GSN: variants seen among roughly 807,000 people sequenced by gnomAD.
GSN encodes actin-depolymerizing factor.
A neutral mutation model predicts 85.7 loss-of-function variants in GSN; 56 were observed. That is an observed-to-expected ratio of 0.65 (90% CI 0.53 to 0.82). The LOEUF (loss-of-function observed/expected upper bound fraction) is 0.82. Ranked by LOEUF, GSN falls within the 40% of genes least tolerant of loss-of-function variation. GSN has a pLI of 0.00. For synonymous variants in GSN, 373 were observed against 399.1 expected, an observed-to-expected ratio of 0.93 and a Z score of 0.78; for missense variants, 857 against 979.8, an observed-to-expected ratio of 0.87 and a Z score of 1.67.
chr9:121,310,248 T>C (rs1282740801), intron 4 of GSN: 1 of 292,800 alleles, frequency 3.4e-6, no homozygotes. Flanking sequence ...AAGCATTCCC[T>C]ATGCTTATTT....
intron 10 of GSN, among the ~76,000 whole-genome samples, chr9:121,319,421 GGTGCTAGTGAGGGGTT>G: frequency 6.6e-6 from 1 of 152,260 alleles, no homozygotes; most frequent in South Asian, 2.1e-4. Context: ...CTAACCAGTG[GGTGCTAGTGAGGGGTT>G]TTTCTTTTTA....
chr9:121,250,202 C>CT (rs542805619), intron 6 of GSN, among the ~76,000 whole-genome samples: 2,646 of 127,518 alleles, frequency 0.021, 73 homozygotes, highest in African/African-American at 0.056. Context: ...AGATCCTTCT[C>CT]TTTTTTTTTT....
chr9:121,332,333 G>A lies in GSN; in HGVS notation c.2027-101G>A, dbSNP rs2064027783. 2.9e-5 allele frequency: 31 copies of A among 1,063,158 alleles called. No homozygotes were observed. Among genetic ancestry groups the A allele is most frequent in the South Asian group, 2.8e-4 (22 of 79,712 alleles). The allele number at this position is 1,063,158 out of a possible 1,614,324, so 65.9% of individuals were successfully genotyped here. A position where few individuals can be genotyped will look rare whatever the true frequency, so the allele number is the denominator to read the frequency against. ...GGGCAGTAGGGACAGTAGGACCATA[G>A]ACCCTCTTCTTTGTCAACTCCTGTC... On this transcript the variant is annotated intron_variant, in intron 17 of 17. Transcript: ENST00000432226. The surrounding 1 kb of genome is among the most constrained non-coding windows in gnomAD (Gnocchi z 4.8).
At chr9:121,330,387 A>G (rs2063752155) in intron 16 of GSN, among the ~76,000 whole-genome samples, 1 of 152,212 alleles carries the variant, frequency 6.6e-6, no homozygotes, top group South Asian at 2.1e-4. Context: ...AGCCTGGCCA[A>G]CATGGTGAAA....
chr9:121,326,115 G>T (rs1222766652), intron 12 of GSN, among the ~76,000 whole-genome samples: 6 of 149,626 alleles, frequency 4.0e-5, no homozygotes, highest in Non-Finnish European at 8.9e-5. Context: ...TCTGGATCTA[G>T]AATGCTCTGT....
chr9:121,286,892 G>A, intron 2 of GSN: 1 of 746,300 alleles, frequency 1.3e-6, no homozygotes. Flanking sequence ...TCTATAAAAG[G>A]AGACAATGCC....
chr9:121,254,793 A>G (rs16910455), intron 6 of GSN, among the ~76,000 whole-genome samples: 1,955 of 152,248 alleles, frequency 0.013, 37 homozygotes, highest in African/African-American at 0.045. Context: ...AAAAGCAACA[A>G]AAGGATATAC....
In GSN at chr9:121,302,670, G is replaced by C. The variant is rs116739159; in HGVS notation, c.197-241G>C. Among the ~76,000 whole-genome samples the C allele has an allele frequency of 8.1e-3, 1,232 of 152,234 alleles. 20 individuals are homozygous for C. The highest frequency in any genetic ancestry group is 0.028 in the African/African-American group (1,169 of 41,510). ...CTGATGCTCCCAGTCCTGAGTTTAC[G>C]CTCAGGAGGGCTGAGAATGAACATA... On this transcript the variant is annotated intron_variant, in intron 3 of 17. Coordinates refer to ENST00000432226, the MANE Select transcript of GSN (RefSeq NM_198252.3).
chr9:121,201,885 A>C, the GSN span: 1 of 152,482 alleles, frequency 6.6e-6, no homozygotes, highest in Non-Finnish European at 1.5e-5. Context: ...CGCTCCCTGC[A>C]CAGGGTTTCC....
At position 121,310,735 on chromosome 9, in the gene GSN, G is replaced by T. The variant is rs1456094623; in HGVS notation, c.403G>T (p.Val135Leu). Residue 135 changes from valine (V) to leucine (L), a missense_variant, in exon 5 of 18, where the codon GTG (valine) becomes TTG (leucine). Coordinates refer to ENST00000432226, the MANE Select transcript of GSN (RefSeq NM_198252.3). ...GCACGTGGTACCCAACGAGGTGGTG[G>T]TGCAGAGACTCTTCCAGGTCAAAGG... The part of the protein sequence containing the change: ...FKHVVPNEVV[V>L]QRLFQVKGRR... 6.2e-7 allele frequency: 1 copy of T among 1,614,164 alleles called. No individual in the cohort carries two copies. Among genetic ancestry groups the T allele is most frequent in the South Asian group, 1.1e-5 (1 of 91,080 alleles).
In GSN at chr9:121,318,182, A is replaced by T. The variant is rs1368211994; in HGVS notation, c.887-224A>T. On this transcript the variant is annotated intron_variant, in intron 8 of 17. Transcript: ENST00000432226. This position sits in a 1 kb window ranked among gnomAD's most constrained non-coding sequence, Gnocchi z 4.3. ...TAAGCACAAAATACATGCTCACTAA[A>T]TGGACCACAGTAGTGTTGTGATTGG... Among the ~76,000 whole-genome samples, 11 of 152,174 alleles carry T rather than the reference A, an allele frequency of 7.2e-5. No individual in the cohort carries two copies. The highest frequency in any genetic ancestry group is 7.2e-4 in the Admixed American group (11 of 15,280).
intron 7 of GSN, among the ~76,000 whole-genome samples, chr9:121,314,884 T>C (rs1184765435): frequency 6.6e-6 from 1 of 152,198 alleles, no homozygotes; most frequent in East Asian, 1.9e-4. Context: ...TATTTTGAGA[T>C]AGGGTCTTGC....
At chr9:121,257,028 G>A (rs2054977673) in intron 6 of GSN, among the ~76,000 whole-genome samples, 1 of 152,118 alleles carries the variant, frequency 6.6e-6, no homozygotes, top group African/African-American at 2.4e-5. Flanking sequence ...AAAGAGAAAT[G>A]TTTGAGGCAA....
intron 2 of GSN, chr9:121,286,883 C>T (rs916537176): frequency 1.3e-6 from 1 of 793,400 alleles, no homozygotes; most frequent in Admixed American, 2.1e-5. Flanking sequence ...GTTCCTCCGT[C>T]TATAAAAGGA....
chr9:121,323,709 G>T (rs1048493064), intron 11 of GSN, among the ~76,000 whole-genome samples: 2 of 152,072 alleles, frequency 1.3e-5, no homozygotes, highest in African/African-American at 4.8e-5. Flanking sequence ...TCTAACCCAG[G>T]ATCCCACATG....
intron 6 of GSN, among the ~76,000 whole-genome samples, chr9:121,254,165 C>T (rs752103296): frequency 9.2e-5 from 14 of 152,176 alleles, no homozygotes; most frequent in Admixed American, 2.6e-4. Context: ...CGGTCAGGAG[C>T]GCTCAGCCTT....
chr9:121,329,255 T>G lies in GSN; in HGVS notation c.1905T>G (p.Gly635=), dbSNP rs771376112. 1 of 1,611,532 alleles carries G rather than the reference T, an allele frequency of 6.2e-7. No homozygotes were observed. Among genetic ancestry groups the G allele is most frequent in the South Asian group, 1.1e-5 (1 of 91,024 alleles). ...IGRFVIEEVP[G]ELMQEDLATD... is the part of the protein sequence containing the mutation. ...CTTCCCAGATCGAAGAGGTTCCTGGTGAGCTCATGCAGGAAGACCTGGCAA... is the reference window on the plus strand; with the variant it reads ...CTTCCCAGATCGAAGAGGTTCCTGGGGAGCTCATGCAGGAAGACCTGGCAA... Residue 635 remains glycine (G), a synonymous_variant, in exon 16 of 18, where the codon GGT becomes GGG. Coordinates refer to ENST00000432226, the MANE Select transcript of GSN (RefSeq NM_198252.3). The surrounding 1 kb of genome is among the most constrained non-coding windows in gnomAD (Gnocchi z 4.6).
At chr9:121,202,878 G>A (rs1420289817), upstream of GSN, among the ~76,000 whole-genome samples, 1 of 152,314 alleles carries the variant, frequency 6.6e-6, no homozygotes, top group East Asian at 1.9e-4. Flanking sequence ...TGTAATCCCA[G>A]CACTTTGGGA....
At chr9:121,288,605 C>T (rs1041923767) in intron 2 of GSN, among the ~76,000 whole-genome samples, 13 of 152,138 alleles carry the variant, frequency 8.5e-5, no homozygotes, top group Non-Finnish European at 1.5e-4. Context: ...GGCACTGAGA[C>T]GGGAAGTCAC....
Sources: gnomAD v4.1 joint callset for allele counts (sites outside exome capture counted in the v4.1 genomes callset) on GRCh38, gnomAD v4.1.1 for gene constraint, Gnocchi (gnomAD v3.1) non-coding constraint, MANE v1.5 for transcripts, NCBI Gene and HGNC (gene_info 2026-07-23, HGNC 2026-07-21) for gene names.